Variants in TENM3 observed in about 807,000 individuals in gnomAD.
The protein encoded by TENM3 is teneurin transmembrane protein 3.
TENM3 carries 63 observed loss-of-function variants against 255.1 expected under a neutral mutation model. The observed-to-expected ratio is 0.25, with a 90% CI of 0.20 to 0.30. TENM3 has a LOEUF of 0.30. Among genes scored for constraint, TENM3 ranks in the 10% least tolerant of loss-of-function variants. The probability of loss-of-function intolerance (pLI) is 1.00; values close to 1 mark genes in which losing one functional copy is unlikely to be tolerated. For missense variants in TENM3, 2,929 were observed against 3,461.1 expected (o/e 0.85, Z 3.86); for synonymous variants, 1,306 against 1,322.3 (o/e 0.99, Z 0.27).
chr4:181,544,253 A>T, the TENM3 span, among the ~76,000 whole-genome samples: 1 of 151,970 alleles, frequency 6.6e-6, no homozygotes, highest in African/African-American at 2.4e-5. Context: ...AACTATAAAT[A>T]AACTCTTGCA....
At chr4:182,240,583 T>C (rs1757187519), upstream of TENM3, among the ~76,000 whole-genome samples, 1 of 152,192 alleles carries the variant, frequency 6.6e-6, no homozygotes, top group African/African-American at 2.4e-5. Context: ...CTGACTTTTC[T>C]TCAAGTTATC....
At chr4:182,616,666 C>T (rs1749569208) in intron 4 of TENM3, among the ~76,000 whole-genome samples, 1 of 151,734 alleles carries the variant, frequency 6.6e-6, no homozygotes, top group Non-Finnish European at 1.5e-5. Flanking sequence ...CGGAAGATTC[C>T]CAGCAGCCTC....
chr4:181,798,324 T>A, the TENM3 span, among the ~76,000 whole-genome samples: 1 of 152,024 alleles, frequency 6.6e-6, no homozygotes, highest in Non-Finnish European at 1.5e-5. Flanking sequence ...TTATTTATTT[T>A]TTGAGATGGA....
intron 3 of TENM3, among the ~76,000 whole-genome samples, chr4:182,421,529 C>T (rs1770831853): frequency 6.6e-6 from 1 of 152,052 alleles, no homozygotes; most frequent in South Asian, 2.1e-4. Flanking sequence ...CCAAAGAATC[C>T]AGAAGAGAAG....
chr4:182,432,324 C>T (rs1016616808), intron 3 of TENM3, among the ~76,000 whole-genome samples: 1 of 151,926 alleles, frequency 6.6e-6, no homozygotes, highest in African/African-American at 2.4e-5. Flanking sequence ...AAATTTGCAC[C>T]CATTTTGATA....
intron 1 of TENM3, among the ~76,000 whole-genome samples, chr4:182,187,753 AT>A (rs1305818938): frequency 2.6e-5 from 4 of 152,130 alleles, no homozygotes; most frequent in East Asian, 1.9e-4. Flanking sequence ...ATACTAACAC[AT>A]TTTTTAATAT....
chr4:182,099,772 GA>G, the TENM3 span, among the ~76,000 whole-genome samples: 1 of 152,090 alleles, frequency 6.6e-6, no homozygotes, highest in Non-Finnish European at 1.5e-5. Flanking sequence ...CTGATTTAGA[GA>G]ACAGATGGGT....
intron 2 of TENM3, among the ~76,000 whole-genome samples, chr4:182,346,396 C>T (rs1284809540): frequency 6.6e-6 from 1 of 152,010 alleles, no homozygotes; most frequent in Non-Finnish European, 1.5e-5. Context: ...TTTACTTGCC[C>T]ATCTCTCTGG....
At chr4:181,595,366 G>GTGA in the TENM3 span, among the ~76,000 whole-genome samples, 2 of 149,050 alleles carry the variant, frequency 1.3e-5, no homozygotes, top group Non-Finnish European at 3.0e-5. Context: ...AGGAGGCGGA[G>GTGA]GCTGCAGTGA....
chr4:182,524,908 C>T (rs1307991709), intron 3 of TENM3, among the ~76,000 whole-genome samples: 3 of 151,524 alleles, frequency 2.0e-5, no homozygotes, highest in Non-Finnish European at 4.4e-5. Context: ...ACCTGTGGTA[C>T]GGTCCCAGCT....
the TENM3 span, among the ~76,000 whole-genome samples, chr4:181,728,312 C>A: frequency 6.6e-6 from 1 of 152,054 alleles, no homozygotes; most frequent in Non-Finnish European, 1.5e-5. Flanking sequence ...GGGGCCAGTC[C>A]ATAAAGTGAA....
intron 4 of TENM3, among the ~76,000 whole-genome samples, chr4:182,627,929 G>T (rs1003703477): frequency 3.9e-5 from 6 of 151,976 alleles, no homozygotes; most frequent in Non-Finnish European, 8.8e-5. Flanking sequence ...ATTTGATCCA[G>T]AATCTGCTTC....
rs148253968 is a variant in TENM3 at position 182,237,518 on chromosome 4, A to G, written c.-75-86428A>G. ...GTAGCTGAGACTACAGGCACCCATC[A>G]TGCCTGGCTACGTCTGTAATCCCAG... On this transcript the variant is annotated intron_variant, in intron 1 of 2. Transcript: ENST00000512480. Among the ~76,000 whole-genome samples, 30 of 152,210 alleles carry G rather than the reference A, an allele frequency of 2.0e-4. No homozygotes were observed. The East Asian group carries it at 4.1e-3, about 21-fold the overall frequency.
At chr4:182,183,712 C>T (rs1208424831) in intron 1 of TENM3, among the ~76,000 whole-genome samples, 2 of 152,038 alleles carry the variant, frequency 1.3e-5, no homozygotes, top group Admixed American at 6.6e-5. Context: ...TAGAAGCATA[C>T]TAAGATTGTG....
At chr4:182,135,699 C>T in the TENM3 span, among the ~76,000 whole-genome samples, 477 of 152,260 alleles carry the variant, frequency 3.1e-3, 5 homozygotes, top group African/African-American at 0.011. Context: ...TTAAGAGTGG[C>T]GGTGGTATTG....
At chr4:181,589,364 C>T in the TENM3 span, among the ~76,000 whole-genome samples, 2 of 151,864 alleles carry the variant, frequency 1.3e-5, no homozygotes, top group African/African-American at 4.8e-5. Context: ...ATTGTTATAT[C>T]CCTTATGCTA....
chr4:181,728,326 G>A, the TENM3 span, among the ~76,000 whole-genome samples: 5 of 152,100 alleles, frequency 3.3e-5, no homozygotes, highest in African/African-American at 7.2e-5. Context: ...AAGTGAAAGC[G>A]GTTAAGAAAG....
intron 1 of TENM3, among the ~76,000 whole-genome samples, chr4:182,159,583 C>T (rs560070495): frequency 2.6e-4 from 40 of 152,176 alleles, no homozygotes; most frequent in African/African-American, 9.4e-4. Context: ...ACAGCTCCTG[C>T]GCTGTATTTG....
intron 2 of TENM3, among the ~76,000 whole-genome samples, chr4:182,326,463 T>C (rs1166403178): frequency 6.6e-6 from 1 of 152,196 alleles, no homozygotes; most frequent in East Asian, 1.9e-4. Context: ...GTTGCCACAG[T>C]GGAAAACAGG....
Sources: gnomAD v4.1 joint callset for allele counts (sites outside exome capture counted in the v4.1 genomes callset) on GRCh38, gnomAD v4.1.1 for gene constraint, MANE v1.5 for transcripts, NCBI Gene and HGNC (gene_info 2026-07-23, HGNC 2026-07-21) for gene names.